TPRG1: variants seen among roughly 807,000 people sequenced by gnomAD.
TPRG1 encodes the protein tumor protein p63-regulated gene 1 protein.
Under a neutral mutation model 29.3 loss-of-function variants are expected in TPRG1, and 29 were observed. That is an observed-to-expected ratio of 0.99 (90% CI 0.74 to 1.35). TPRG1 has a LOEUF of 1.35. Among genes scored for constraint, TPRG1 ranks in the 40% most tolerant of loss-of-function variants. The pLI, the probability that TPRG1 is intolerant of heterozygous loss-of-function variation, is 0.00. For missense variants in TPRG1, 327 were observed against 335.0 expected, an observed-to-expected ratio of 0.98 and a Z score of 0.19; for synonymous variants, 130 against 116.8, an observed-to-expected ratio of 1.11 and a Z score of -0.73.
chr3:189,258,076 A>T (rs1034713970), intron 4 of TPRG1, among the ~76,000 whole-genome samples: 1 of 152,128 alleles, frequency 6.6e-6, no homozygotes, highest in South Asian at 2.1e-4. Flanking sequence ...GGAGGAGAAG[A>T]GGCATTCTGG....
intron 4 of TPRG1, among the ~76,000 whole-genome samples, chr3:189,068,610 A>G (rs1282549682): frequency 1.3e-5 from 2 of 152,204 alleles, no homozygotes; most frequent in Non-Finnish European, 2.9e-5. Context: ...CCCCGTCTCT[A>G]CTAAAAATAT....
At chr3:189,166,314 T>G (rs866084708) in intron 5 of TPRG1, among the ~76,000 whole-genome samples, 1 of 152,234 alleles carries the variant, frequency 6.6e-6, no homozygotes, top group Non-Finnish European at 1.5e-5. Flanking sequence ...TACGTTGCCA[T>G]GCCAACTTAG....
chr3:189,074,698 AT>A (rs1386136510), intron 4 of TPRG1, among the ~76,000 whole-genome samples: 8 of 151,926 alleles, frequency 5.3e-5, no homozygotes, highest in African/African-American at 1.9e-4. Context: ...TTATTGTTAT[AT>A]CCATATATTC....
At chr3:189,207,307 T>C in intron 1 of TPRG1, 69 bp from the exon 2 acceptor site, 2 of 1,561,428 alleles carry the variant, frequency 1.3e-6, no homozygotes, top group South Asian at 1.2e-5. Flanking sequence ...CATATTCTGT[T>C]TTGCCATAGC....
intron 4 of TPRG1, among the ~76,000 whole-genome samples, chr3:189,289,997 G>C (rs1576975569): frequency 6.6e-6 from 1 of 152,160 alleles, no homozygotes; most frequent in African/African-American, 2.4e-5. Flanking sequence ...ATCAACCAAT[G>C]TAAATGAAAT....
chr3:189,086,671 G>T (rs1430875041), intron 4 of TPRG1, among the ~76,000 whole-genome samples: 1 of 152,074 alleles, frequency 6.6e-6, no homozygotes, highest in Non-Finnish European at 1.5e-5. Flanking sequence ...GGGATTACAG[G>T]CATGTGCCAC....
At chr3:189,254,053 T>A (rs954502283) in intron 4 of TPRG1, among the ~76,000 whole-genome samples, 1 of 152,220 alleles carries the variant, frequency 6.6e-6, no homozygotes, top group African/African-American at 2.4e-5. Context: ...TTTTGGCTTT[T>A]GTTGCCATTG....
chr3:189,147,390 C>A (rs1273743904), intron 3 of TPRG1, among the ~76,000 whole-genome samples: 5 of 152,214 alleles, frequency 3.3e-5, no homozygotes, highest in African/African-American at 4.8e-5. Flanking sequence ...ATGGCAGCCA[C>A]CCCTCCCTGC....
chr3:189,154,737 C>T (rs1270741188), intron 5 of TPRG1, among the ~76,000 whole-genome samples: 1 of 152,158 alleles, frequency 6.6e-6, no homozygotes, highest in Admixed American at 6.6e-5. Context: ...GCCACTGTGC[C>T]CAGCCTGCAG....
In TPRG1 at chr3:189,324,548, G is replaced by T. The variant is rs563231321; in HGVS notation, c.*3728G>T. ...GCTAAGGACACTTATAGAGCTCTCC[G>T]ATTTCCTATCTGATAAAAAAAGCCC... On this transcript the variant is annotated 3_prime_UTR_variant, in exon 6 of 6. Transcript: ENST00000345063. The T allele has an allele frequency of 6.6e-6, 1 of 152,084 alleles. No individual in the cohort carries two copies. The highest frequency in any genetic ancestry group is 1.5e-5 in the Non-Finnish European group (1 of 68,012). 9.4% of individuals were successfully genotyped at this position (152,084 alleles called of 1,614,324 possible).
chr3:189,270,215 G>A (rs1714877373), intron 4 of TPRG1, among the ~76,000 whole-genome samples: 1 of 151,948 alleles, frequency 6.6e-6, no homozygotes, highest in Admixed American at 6.6e-5. Context: ...AGGTCCAGGT[G>A]GTTTTACAGA....
intron 3 of TPRG1, among the ~76,000 whole-genome samples, chr3:189,015,171 T>C (rs11714653): frequency 0.041 from 6,282 of 152,290 alleles, 149 homozygotes; most frequent in East Asian, 0.099. Flanking sequence ...AATGTTATTC[T>C]TGCTAAGCTT....
At chr3:189,079,302 A>G (rs1332811534) in intron 4 of TPRG1, among the ~76,000 whole-genome samples, 2 of 152,062 alleles carry the variant, frequency 1.3e-5, no homozygotes, top group Non-Finnish European at 2.9e-5. Context: ...CACCTCCAAC[A>G]TTGGGGAACA....
chr3:189,204,947 TCACACACA>T (rs35018569), intron 1 of TPRG1, among the ~76,000 whole-genome samples: 1 of 147,056 alleles, frequency 6.8e-6, no homozygotes, highest in African/African-American at 2.5e-5. Context: ...TCTCTCTCTC[TCACACACA>T]CACACACACA....
chr3:189,034,767 A>G (rs1342633227), intron 4 of TPRG1, among the ~76,000 whole-genome samples: 1 of 152,190 alleles, frequency 6.6e-6, no homozygotes, highest in Admixed American at 6.5e-5. Flanking sequence ...ATTACACAAC[A>G]CTGATGAAAG....
intron 1 of TPRG1, among the ~76,000 whole-genome samples, chr3:189,000,443 T>C (rs960889077): frequency 6.6e-6 from 1 of 152,130 alleles, no homozygotes; most frequent in Non-Finnish European, 1.5e-5. Context: ...TTGTTCCATA[T>C]CCTTTATTTA....
At chr3:189,097,180 C>G (rs990948508), upstream of TPRG1, among the ~76,000 whole-genome samples, 3 of 152,158 alleles carry the variant, frequency 2.0e-5, no homozygotes, top group Non-Finnish European at 2.9e-5. Context: ...ATTTCAACAT[C>G]AACACTAATC....
chr3:189,028,689 G>A (rs1257484470), intron 4 of TPRG1, among the ~76,000 whole-genome samples: 2 of 152,156 alleles, frequency 1.3e-5, no homozygotes, highest in Non-Finnish European at 2.9e-5. Flanking sequence ...CAGTATCATT[G>A]CTGTGATGTA....
At chr3:189,202,311 C>T (rs1490842901) in intron 1 of TPRG1, among the ~76,000 whole-genome samples, 2 of 152,028 alleles carry the variant, frequency 1.3e-5, no homozygotes, top group African/African-American at 2.4e-5. Flanking sequence ...CCCCTCAGAC[C>T]GGGGGTAGGC....
Sources: gnomAD v4.1 joint callset for allele counts (sites outside exome capture counted in the v4.1 genomes callset) on GRCh38, gnomAD v4.1.1 for gene constraint, MANE v1.5 for transcripts, NCBI Gene and HGNC (gene_info 2026-07-23, HGNC 2026-07-21) for gene names.